Variants in CAGE1 observed in about 807,000 individuals in gnomAD.
CAGE1 encodes the protein cancer-associated gene 1 protein.
In CAGE1, 66 loss-of-function variants were observed where a neutral mutation model predicts 94.9. The observed-to-expected ratio is 0.70, with a 90% CI of 0.57 to 0.85. The LOEUF (loss-of-function observed/expected upper bound fraction) is 0.85, where lower values mean the gene tolerates loss of function less well. Ranked by LOEUF, CAGE1 falls within the 40% of genes least tolerant of loss-of-function variation. The probability of loss-of-function intolerance (pLI) is 0.00; values close to 1 mark genes in which losing one functional copy is unlikely to be tolerated. For synonymous variants in CAGE1, 319 were observed against 321.0 expected, an observed-to-expected ratio of 0.99 and a Z score of 0.07; for missense variants, 865 against 950.4, an observed-to-expected ratio of 0.91 and a Z score of 1.18.
chr6:7,343,677 T>C (rs1365741001), intron 11 of CAGE1, among the ~76,000 whole-genome samples: 1 of 152,168 alleles, frequency 6.6e-6, no homozygotes, highest in Non-Finnish European at 1.5e-5. Context: ...AATAAGTTAA[T>C]GCAGATTTTG....
intron 1 of CAGE1, among the ~76,000 whole-genome samples, chr6:7,387,986 A>T (rs931867553): frequency 6.8e-6 from 1 of 146,052 alleles, no homozygotes; most frequent in Admixed American, 7.0e-5. Context: ...GTGAGCCGAG[A>T]TGGCCCACTG....
intron 1 of CAGE1, 130 bp downstream of exon 1, chr6:7,389,072 T>C (rs1761240725): frequency 3.1e-6 from 1 of 320,024 alleles, no homozygotes; most frequent in Non-Finnish European, 6.4e-6. Flanking sequence ...ATTTATCAAA[T>C]GTTTGAATAG....
At chr6:7,364,465 TTTTG>T (rs542853858) in intron 9 of CAGE1, among the ~76,000 whole-genome samples, 4 of 152,218 alleles carry the variant, frequency 2.6e-5, no homozygotes, top group South Asian at 2.1e-4. Context: ...ATTACTGGTT[TTTTG>T]TTTGTTTGTT....
At chr6:7,353,609 A>T (rs766010834) in intron 11 of CAGE1, among the ~76,000 whole-genome samples, 24 of 152,082 alleles carry the variant, frequency 1.6e-4, no homozygotes, top group Non-Finnish European at 4.4e-5. Context: ...TGTTTGTAGC[A>T]TCACAACTCA....
intron 9 of CAGE1, 56 bp from the exon 10 acceptor site, chr6:7,356,185 A>C (rs1471336685): frequency 1.1e-6 from 1 of 902,838 alleles, no homozygotes; most frequent in East Asian, 2.6e-5. Flanking sequence ...AAAGCTATAT[A>C]TGGATGCCAA....
At chr6:7,375,894 G>C (rs1298170465) in intron 4 of CAGE1, among the ~76,000 whole-genome samples, 1 of 152,112 alleles carries the variant, frequency 6.6e-6, no homozygotes, top group Non-Finnish European at 1.5e-5. Flanking sequence ...TATCATTACT[G>C]AGACCTACAA....
At position 7,341,971 on chromosome 6, in the gene CAGE1, A is replaced by G. The variant is rs999908566; in HGVS notation, c.2370-7881T>C. 7 of 742,394 alleles carry G rather than the reference A, an allele frequency of 9.4e-6. No homozygotes were observed. In the African/African-American group the frequency reaches 1.2e-4, roughly 13 times the overall value. 46.0% of individuals were successfully genotyped at this position (742,394 alleles called of 1,614,324 possible). A position where few individuals can be genotyped will look rare whatever the true frequency, so the allele number is the denominator to read the frequency against. Reference sequence around the variant, plus strand: ...TCTTTCAGTCATCAGATCTATGCAGAGCTTGTTCTCACTGGTGCCAAGGTT... The same window carrying G: ...TCTTTCAGTCATCAGATCTATGCAGGGCTTGTTCTCACTGGTGCCAAGGTT... On this transcript the variant is annotated intron_variant, in intron 11 of 13. Transcript: ENST00000502583.
Position 7,355,104 on chromosome 6 carries a change from G to C in CAGE1, c.2306C>G (p.Ser769Ter). Residue 769 changes from serine (S) to a stop codon, truncating the protein, a stop_gained, in exon 11 of 14, where the codon TCA becomes TGA. Coordinates refer to ENST00000502583, the MANE Select transcript of CAGE1 (RefSeq NM_001170692.2). LOFTEE classifies it high-confidence loss of function. ...HLGNLIKKVT[S>*]YEEIIECADQ... ...AGCACATTCAATGATTTCTTCATATGATGTAACCTTGAAAAAAATAAGCTA... is the reference window on the plus strand; with the variant it reads ...AGCACATTCAATGATTTCTTCATATCATGTAACCTTGAAAAAAATAAGCTA... 1 of 1,597,760 alleles carries C rather than the reference G, an allele frequency of 6.3e-7. No homozygotes were observed. Among genetic ancestry groups the C allele is most frequent in the Non-Finnish European group, 8.5e-7 (1 of 1,170,976 alleles).
chr6:7,367,122 T>C (rs1391942952), intron 7 of CAGE1, among the ~76,000 whole-genome samples: 2 of 152,138 alleles, frequency 1.3e-5, no homozygotes, highest in African/African-American at 4.8e-5. Flanking sequence ...TAACAGCTAA[T>C]GGTCAATGTC....
chr6:7,385,314 T>A (rs535937967), intron 3 of CAGE1, among the ~76,000 whole-genome samples: 78 of 152,068 alleles, frequency 5.1e-4, no homozygotes, highest in Non-Finnish European at 7.5e-4. Flanking sequence ...CCCCGCTTTT[T>A]TTTTTTAAGA....
intron 5 of CAGE1, among the ~76,000 whole-genome samples, chr6:7,372,817 C>T (rs1046601496): frequency 6.6e-5 from 10 of 152,122 alleles, no homozygotes; most frequent in Admixed American, 3.9e-4. Flanking sequence ...TATAGGCGCA[C>T]ACCACCATGC....
chr6:7,382,793 T>C (rs62386163), intron 3 of CAGE1, among the ~76,000 whole-genome samples: 55,622 of 151,674 alleles, frequency 0.37, 10,392 homozygotes, highest in East Asian at 0.43. Flanking sequence ...CAGCTGTAGT[T>C]TCATTACTCA....
intron 11 of CAGE1, among the ~76,000 whole-genome samples, chr6:7,334,486 T>C (rs556637643): frequency 6.6e-6 from 1 of 151,988 alleles, no homozygotes; most frequent in Non-Finnish European, 1.5e-5. Flanking sequence ...CCCAGCACTT[T>C]GGGAGGCTGA....
rs550296193 is a variant in CAGE1, at chr6:7,345,256, A to AT, written c.2369+9784_2369+9785insA. 3.5e-4 allele frequency among the ~76,000 whole-genome samples: 53 copies of AT among 152,350 alleles called. No individual in the cohort carries two copies. In the South Asian group the frequency reaches 0.011, roughly 32 times the overall value. On this transcript the variant is annotated intron_variant, in intron 11 of 13. Coordinates refer to ENST00000502583, the MANE Select transcript of CAGE1 (RefSeq NM_001170692.2). ...TACCAAGAAGAAGGAACAACTCCAG[A>AT]CACGCTACCTTAAGAGTTGCAGCAC...
At chr6:7,359,363 G>C (rs1346645863) in intron 9 of CAGE1, among the ~76,000 whole-genome samples, 2 of 152,160 alleles carry the variant, frequency 1.3e-5, no homozygotes, top group Non-Finnish European at 2.9e-5. Flanking sequence ...GTATCTTAAA[G>C]ATGTTAAGTA....
intron 8 of CAGE1, 87 bp downstream of exon 8, chr6:7,365,717 A>G: frequency 7.6e-7 from 1 of 1,312,422 alleles, no homozygotes; most frequent in Non-Finnish European, 1.1e-6. Context: ...AACTAGAAGT[A>G]CTTCAACAAA....
intron 10 of CAGE1, among the ~76,000 whole-genome samples, 165 bp downstream of exon 10, chr6:7,355,860 A>T (rs1159421380): frequency 2.0e-5 from 3 of 152,176 alleles, no homozygotes; most frequent in Non-Finnish European, 2.9e-5. Context: ...AAAATTAGCC[A>T]GGAATGGTGG....
chr6:7,337,325 GAAAA>G (rs58144720), intron 11 of CAGE1, among the ~76,000 whole-genome samples: 7 of 81,608 alleles, frequency 8.6e-5, no homozygotes, highest in Admixed American at 1.5e-4. Flanking sequence ...AGACTGTCTC[GAAAA>G]AAAAAAAAAA....
intron 1 of CAGE1, among the ~76,000 whole-genome samples, chr6:7,388,847 A>T (rs1343544814): frequency 6.6e-6 from 1 of 152,168 alleles, no homozygotes; most frequent in Non-Finnish European, 1.5e-5. Flanking sequence ...AGATCTGAAA[A>T]ATTCTTGCTT....
Sources: gnomAD v4.1 joint callset for allele counts (sites outside exome capture counted in the v4.1 genomes callset) on GRCh38, gnomAD v4.1.1 for gene constraint, MANE v1.5 for transcripts, NCBI Gene and HGNC (gene_info 2026-07-23, HGNC 2026-07-21) for gene names.